Variants in GPR15LG observed in about 807,000 individuals in gnomAD.
GPR15LG encodes protein GPR15LG.
the GPR15LG span, among the ~76,000 whole-genome samples, chr10:84,174,497 T>C: frequency 2.8e-5 from 4 of 144,118 alleles, no homozygotes; most frequent in South Asian, 2.3e-4. Context: ...CTTTTTTCTT[T>C]TTTTTTTTTT....
the GPR15LG span, chr10:84,176,580 C>T: frequency 1.2e-6 from 2 of 1,603,568 alleles, no homozygotes; most frequent in Non-Finnish European, 1.7e-6. Context: ...GTAAGTACCC[C>T]CACCTCGTCC....
chr10:84,185,062 C>G, the GPR15LG span: 1 of 1,227,200 alleles, frequency 8.1e-7, no homozygotes. Flanking sequence ...GTCACAGCTA[C>G]AAATCCAGAG....
chr10:84,174,039 C>A, the GPR15LG span: 1 of 788,884 alleles, frequency 1.3e-6, no homozygotes, highest in South Asian at 1.4e-5. Flanking sequence ...CAGTCCTGAG[C>A]CCCGGAAAGA....
the GPR15LG span, among the ~76,000 whole-genome samples, chr10:84,183,220 A>G: frequency 6.6e-6 from 1 of 152,332 alleles, no homozygotes; most frequent in African/African-American, 2.4e-5. Flanking sequence ...TACTATTACT[A>G]TTCTCACTTC....
At chr10:84,181,240 AT>A in the GPR15LG span, among the ~76,000 whole-genome samples, 25,075 of 117,874 alleles carry the variant, frequency 0.21, 3,226 homozygotes, top group African/African-American at 0.29. Context: ...AAAAAATTAA[AT>A]TTTTTTTTTT....
the GPR15LG span, among the ~76,000 whole-genome samples, chr10:84,175,640 G>A: frequency 6.6e-6 from 1 of 152,258 alleles, no homozygotes; most frequent in East Asian, 1.9e-4. Context: ...CAGTAGCTGG[G>A]AAAACAGGTG....
At chr10:84,177,811 A>G in the GPR15LG span, among the ~76,000 whole-genome samples, 1 of 152,166 alleles carries the variant, frequency 6.6e-6, no homozygotes, top group African/African-American at 2.4e-5. Flanking sequence ...AAAGAAGGTG[A>G]AAACCTTCCA....
At chr10:84,174,124 C>T in the GPR15LG span, among the ~76,000 whole-genome samples, 2 of 152,184 alleles carry the variant, frequency 1.3e-5, no homozygotes, top group African/African-American at 4.8e-5. Context: ...CCATTCACAG[C>T]CCCTGCACCC....
the GPR15LG span, among the ~76,000 whole-genome samples, chr10:84,178,432 A>G: frequency 6.6e-5 from 10 of 152,068 alleles, no homozygotes; most frequent in South Asian, 2.1e-3. Flanking sequence ...ACACAACTAT[A>G]CACACAAACA....
chr10:84,177,301 C>A, the GPR15LG span, among the ~76,000 whole-genome samples: 1 of 152,370 alleles, frequency 6.6e-6, no homozygotes, highest in East Asian at 1.9e-4. Context: ...CAGATATTCA[C>A]TGGAGTTGCC....
At chr10:84,175,783 G>T in the GPR15LG span, among the ~76,000 whole-genome samples, 1 of 152,314 alleles carries the variant, frequency 6.6e-6, no homozygotes, top group East Asian at 1.9e-4. Context: ...TAGGATCACA[G>T]GCATGAGCCA....
chr10:84,183,924 G>T, the GPR15LG span, among the ~76,000 whole-genome samples: 1 of 152,104 alleles, frequency 6.6e-6, no homozygotes, highest in Non-Finnish European at 1.5e-5. Flanking sequence ...AGGATTACAG[G>T]TGTGAGCCAC....
At chr10:84,184,558 T>G in the GPR15LG span, 1 of 1,058,990 alleles carries the variant, frequency 9.4e-7, no homozygotes, top group African/African-American at 1.6e-5. Flanking sequence ...TGCTTTGAAA[T>G]TTTTTTTTAA....
the GPR15LG span, among the ~76,000 whole-genome samples, chr10:84,174,230 C>G: frequency 6.6e-6 from 1 of 152,196 alleles, no homozygotes; most frequent in East Asian, 1.9e-4. Flanking sequence ...TCCTACCTAT[C>G]TAGAATTTCT....
chr10:84,175,830 G>C, the GPR15LG span, among the ~76,000 whole-genome samples: 1 of 151,790 alleles, frequency 6.6e-6, no homozygotes, highest in African/African-American at 2.4e-5. Context: ...TAATTATGTG[G>C]TAAAAGGTAT....
the GPR15LG span, among the ~76,000 whole-genome samples, chr10:84,182,774 G>C: frequency 2.0e-5 from 3 of 152,192 alleles, no homozygotes; most frequent in African/African-American, 7.2e-5. Context: ...GCAAAGGAGA[G>C]AGGGAGAATT....
chr10:84,184,595 T>G, the GPR15LG span: 1 of 1,305,282 alleles, frequency 7.7e-7, no homozygotes, highest in Non-Finnish European at 1.1e-6. Flanking sequence ...AACTTAATTG[T>G]GTTTTCCTCT....
the GPR15LG span, among the ~76,000 whole-genome samples, chr10:84,182,241 G>A: frequency 6.6e-6 from 1 of 152,350 alleles, no homozygotes; most frequent in East Asian, 1.9e-4. Context: ...GAGGTGAAGA[G>A]GGCTGGCAGC....
chr10:84,181,247 T>TC, the GPR15LG span, among the ~76,000 whole-genome samples: 1 of 151,100 alleles, frequency 6.6e-6, no homozygotes, highest in African/African-American at 2.4e-5. Context: ...TAAATTTTTT[T>TC]TTTTTTTTTT....
Sources: allele counts gnomAD v4.1 joint callset (sites outside exome capture counted in the v4.1 genomes callset), GRCh38; gene constraint gnomAD v4.1.1; transcripts MANE v1.5; gene names NCBI Gene and HGNC (gene_info 2026-07-23, HGNC 2026-07-21).